LRP1B: variants seen among roughly 807,000 people sequenced by gnomAD.
LRP1B encodes LDL receptor related protein 1B.
A neutral mutation model predicts 556.6 loss-of-function variants in LRP1B; 217 were observed. The ratio of observed to expected loss-of-function variants is 0.39; its 90% CI spans 0.35 to 0.44. The LOEUF (loss-of-function observed/expected upper bound fraction) is 0.44. LRP1B is among the 20% of genes least tolerant of loss of function. The probability of loss-of-function intolerance (pLI) is 1.00; values close to 1 mark genes in which losing one functional copy is unlikely to be tolerated. For synonymous variants in LRP1B, 2,047 were observed against 1,865.8 expected (o/e 1.10, Z -2.50); for missense variants, 5,053 against 5,620.8 (o/e 0.90, Z 3.23).
intron 10 of LRP1B, among the ~76,000 whole-genome samples, chr2:141,050,875 T>A (rs893646833): frequency 1.2e-4 from 18 of 152,032 alleles, no homozygotes; most frequent in Admixed American, 2.6e-4. Flanking sequence ...ATTTTCGCAA[T>A]CTACCCATTT....
chr2:140,850,091 G>T lies in LRP1B; in HGVS notation c.4939+11C>A, dbSNP rs199550869. The T allele has an allele frequency of 6.6e-7, 1 of 1,523,394 alleles. No individual in the cohort carries two copies. The allele number at this position is 1,523,394 out of a possible 1,614,324, so 94.4% of individuals were successfully genotyped here. On this transcript the variant is annotated intron_variant, in intron 29 of 90. Coordinates refer to ENST00000389484, the MANE Select transcript of LRP1B (RefSeq NM_018557.3). ...ACACTTTTAAAGTTGTAACATGTACGAATCTTTTACCTCTTGAAATAACAG... is the reference window on the plus strand; with the variant it reads ...ACACTTTTAAAGTTGTAACATGTACTAATCTTTTACCTCTTGAAATAACAG...
chr2:141,082,242 T>G (rs1296113687), intron 7 of LRP1B, among the ~76,000 whole-genome samples: 1 of 152,198 alleles, frequency 6.6e-6, no homozygotes, highest in Non-Finnish European at 1.5e-5. Flanking sequence ...CAAGTCAATG[T>G]GCATAAACTG....
chr2:140,251,816 G>A (rs569755262), intron 86 of LRP1B, among the ~76,000 whole-genome samples: 69 of 151,632 alleles, frequency 4.6e-4, no homozygotes, highest in Non-Finnish European at 6.9e-4. Flanking sequence ...TACAGGTTAT[G>A]CATCAGTTTA....
intron 1 of LRP1B, among the ~76,000 whole-genome samples, chr2:141,894,597 A>T (rs1294902448): frequency 6.6e-6 from 1 of 152,032 alleles, no homozygotes; most frequent in Non-Finnish European, 1.5e-5. Context: ...ACCATGAGGA[A>T]CACAGAAATC....
chr2:141,943,680 T>A (rs975526053), intron 1 of LRP1B, among the ~76,000 whole-genome samples: 13 of 152,138 alleles, frequency 8.5e-5, no homozygotes, highest in African/African-American at 2.9e-4. Flanking sequence ...TGATCTATTT[T>A]TTTTTTTATT....
intron 3 of LRP1B, among the ~76,000 whole-genome samples, chr2:141,395,243 A>G (rs1221265554): frequency 6.6e-6 from 1 of 152,102 alleles, no homozygotes; most frequent in Non-Finnish European, 1.5e-5. Context: ...ACCCAGAGCA[A>G]CTTTCAGTCC....
intron 84 of LRP1B, among the ~76,000 whole-genome samples, chr2:140,290,888 A>C (rs147669042): frequency 8.9e-4 from 136 of 152,168 alleles, no homozygotes; most frequent in African/African-American, 3.2e-3. Flanking sequence ...CAGTTTTCAG[A>C]GTCAGATCCA....
In LRP1B at chr2:141,275,980, C is replaced by T. The variant is rs960473579; in HGVS notation, c.344-21339G>A. Among the ~76,000 whole-genome samples, 4 of 151,846 alleles carry T rather than the reference C, an allele frequency of 2.6e-5. No homozygotes were observed. The East Asian group carries it at 5.8e-4, about 22-fold the overall frequency. ...AAACTGATTAAGTTAAAAATATAAACCAGATGGCCTCTCTATAAGTTTTCA... is the reference window on the plus strand; with the variant it reads ...AAACTGATTAAGTTAAAAATATAAATCAGATGGCCTCTCTATAAGTTTTCA... On this transcript the variant is annotated intron_variant, in intron 3 of 90. Transcript: ENST00000389484.
intron 2 of LRP1B, among the ~76,000 whole-genome samples, chr2:141,564,265 C>T (rs536406143): frequency 5.9e-5 from 9 of 152,118 alleles, no homozygotes; most frequent in African/African-American, 1.9e-4. Flanking sequence ...TGGCAGAAGA[C>T]ATGGGACAAA....
At chr2:141,343,959 G>T (rs1269512937) in intron 3 of LRP1B, among the ~76,000 whole-genome samples, 2 of 152,004 alleles carry the variant, frequency 1.3e-5, no homozygotes, top group Admixed American at 1.3e-4. Context: ...AGACATCTGT[G>T]GTCTGCCTAG....
At chr2:140,611,206 TTC>T (rs1247735355) in intron 41 of LRP1B, among the ~76,000 whole-genome samples, 2 of 152,212 alleles carry the variant, frequency 1.3e-5, no homozygotes, top group African/African-American at 2.4e-5. Flanking sequence ...ATAAATATAA[TTC>T]TGTTTTTATT....
At chr2:141,630,729 T>C (rs1419665091) in intron 2 of LRP1B, among the ~76,000 whole-genome samples, 2 of 152,228 alleles carry the variant, frequency 1.3e-5, no homozygotes, top group African/African-American at 2.4e-5. Context: ...GGTTAGAAAT[T>C]TCCTTGCAAG....
chr2:140,811,922 C>A (rs2105032052), intron 32 of LRP1B, among the ~76,000 whole-genome samples: 1 of 151,814 alleles, frequency 6.6e-6, no homozygotes, highest in South Asian at 2.1e-4. Flanking sequence ...ACAGAAATTG[C>A]CCAAAGACTC....
intron 5 of LRP1B, among the ~76,000 whole-genome samples, chr2:141,242,989 C>T (rs1486029235): frequency 6.6e-6 from 1 of 152,004 alleles, no homozygotes; most frequent in Non-Finnish European, 1.5e-5. Context: ...TCAATAAAAT[C>T]AATTAAAAGA....
intron 2 of LRP1B, among the ~76,000 whole-genome samples, chr2:141,741,604 GT>G (rs1275114355): frequency 6.6e-6 from 1 of 152,076 alleles, no homozygotes; most frequent in African/African-American, 2.4e-5. Flanking sequence ...CTTTTGAGAA[GT>G]GTCTATACAG....
chr2:140,973,091 C>T (rs1271943637), intron 18 of LRP1B, among the ~76,000 whole-genome samples: 1 of 133,908 alleles, frequency 7.5e-6, no homozygotes, highest in African/African-American at 2.7e-5. Context: ...TTTCTAAACA[C>T]AGTACTCCTG....
chr2:140,724,932 T>C (rs1183411518), intron 35 of LRP1B, among the ~76,000 whole-genome samples: 2 of 152,204 alleles, frequency 1.3e-5, no homozygotes, highest in Non-Finnish European at 2.9e-5. Flanking sequence ...GTCAGAAATA[T>C]AAGCATTCTT....
chr2:141,283,175 GT>G, intron 3 of LRP1B, among the ~76,000 whole-genome samples: 1 of 152,082 alleles, frequency 6.6e-6, no homozygotes, highest in East Asian at 1.9e-4. Context: ...AAAATGGCAT[GT>G]CTTATGATAA....
chr2:141,164,525 C>T (rs1236191995), intron 7 of LRP1B, among the ~76,000 whole-genome samples: 2 of 152,084 alleles, frequency 1.3e-5, no homozygotes, highest in African/African-American at 4.8e-5. Context: ...TTTACAAATG[C>T]TGCTTTTGAA....
Sources: allele counts gnomAD v4.1 joint callset (sites outside exome capture counted in the v4.1 genomes callset), GRCh38; gene constraint gnomAD v4.1.1; transcripts MANE v1.5; gene names NCBI Gene and HGNC (gene_info 2026-07-23, HGNC 2026-07-21).